Variants in CLTRN observed in about 807,000 individuals in gnomAD.
CLTRN encodes the protein collectrin.
CLTRN carries 12 observed loss-of-function variants against 14.5 expected under a neutral mutation model. The observed-to-expected ratio is 0.83, with a 90% CI of 0.53 to 1.34. The LOEUF (loss-of-function observed/expected upper bound fraction) is 1.34, where lower values mean the gene tolerates loss of function less well. Ranked by LOEUF, CLTRN falls within the 40% of genes most tolerant of loss-of-function variation. The pLI is 0.00. For synonymous variants in CLTRN, 58 were observed against 56.5 expected, an observed-to-expected ratio of 1.03 and a Z score of -0.12; for missense variants, 154 against 165.1, an observed-to-expected ratio of 0.93 and a Z score of 0.37.
intron 4 of CLTRN, among the ~76,000 whole-genome samples, chrX:15,643,094 C>T (rs5935999): frequency 0.28 from 31,153 of 110,078 alleles, 3,612 homozygotes; most frequent in East Asian, 0.52. Context: ...CCAGACTCTG[C>T]CTCTTAAAAA....
intron 5 of CLTRN, among the ~76,000 whole-genome samples, chrX:15,630,882 T>A (rs1928678933): frequency 8.9e-6 from 1 of 112,069 alleles, no homozygotes; most frequent in Admixed American, 9.5e-5. Context: ...AACACTTTGG[T>A]TCCTCTTCCT....
chrX:15,658,235 T>C lies in CLTRN; in HGVS notation c.203+781A>G, dbSNP rs143365379. On this transcript the variant is annotated intron_variant, in intron 3 of 5. Coordinates refer to ENST00000380342, the MANE Select transcript of CLTRN (RefSeq NM_020665.6). ...AATACACAAGATATTTAACCCTTCATATAAAATGGCACCTACTAAATGCTC... is the reference window on the plus strand; with the variant it reads ...AATACACAAGATATTTAACCCTTCACATAAAATGGCACCTACTAAATGCTC... 4.9e-3 allele frequency among the ~76,000 whole-genome samples: 553 copies of C among 112,786 alleles called. 1 individual carries two copies. The highest frequency in any genetic ancestry group is 0.017 in the African/African-American group (534 of 31,090).
intron 5 of CLTRN, among the ~76,000 whole-genome samples, chrX:15,630,020 C>T (rs1928653814): frequency 9.0e-6 from 1 of 111,557 alleles, no homozygotes. Flanking sequence ...ACAGAGTAGG[C>T]ATTCAACTGT....
upstream of CLTRN, among the ~76,000 whole-genome samples, chrX:15,668,961 A>C (rs887842629): frequency 6.3e-5 from 7 of 111,728 alleles, no homozygotes; most frequent in African/African-American, 2.3e-4. Flanking sequence ...TGTTCTCTTT[A>C]TATTTTCTAA....
chrX:15,648,863 G>C (rs1929153120), intron 3 of CLTRN, among the ~76,000 whole-genome samples: 1 of 110,626 alleles, frequency 9.0e-6, no homozygotes, highest in African/African-American at 3.3e-5. Context: ...AAAGATAAGA[G>C]GTAAAATATT....
At chrX:15,661,568 G>A (rs900257133) in intron 2 of CLTRN, among the ~76,000 whole-genome samples, 2 of 112,194 alleles carry the variant, frequency 1.8e-5, no homozygotes, top group African/African-American at 6.5e-5. Flanking sequence ...GAGAGCCTCC[G>A]CTTATAAAAG....
intron 4 of CLTRN, among the ~76,000 whole-genome samples, chrX:15,643,910 G>A: frequency 8.9e-6 from 1 of 112,105 alleles, no homozygotes; most frequent in East Asian, 2.8e-4. Flanking sequence ...CTTGTGTGGG[G>A]AGAGCTACTT....
intron 3 of CLTRN, among the ~76,000 whole-genome samples, chrX:15,650,540 TATG>T (rs1435389870): frequency 8.9e-6 from 1 of 112,213 alleles, no homozygotes; most frequent in Non-Finnish European, 1.9e-5. Flanking sequence ...AATTATTTAT[TATG>T]ATGACTTCCA....
At chrX:15,662,281 C>G (rs969169737) in intron 2 of CLTRN, among the ~76,000 whole-genome samples, 3 of 110,380 alleles carry the variant, frequency 2.7e-5, no homozygotes, top group African/African-American at 9.9e-5. Flanking sequence ...TTCAACTCTC[C>G]CAACCTCCTG....
upstream of CLTRN, among the ~76,000 whole-genome samples, chrX:15,669,260 G>T (rs942460412): frequency 2.7e-5 from 3 of 112,021 alleles, no homozygotes; most frequent in African/African-American, 9.7e-5. Flanking sequence ...CAAGTTTTAA[G>T]TAGTAAGTTT....
intron 3 of CLTRN, among the ~76,000 whole-genome samples, chrX:15,657,429 T>C (rs961975725): frequency 8.9e-6 from 1 of 112,637 alleles, no homozygotes; most frequent in African/African-American, 3.2e-5. Flanking sequence ...TCTGAAATGT[T>C]ATATACTTAA....
chrX:15,656,242 G>A (rs867498084), intron 3 of CLTRN, among the ~76,000 whole-genome samples: 8 of 111,995 alleles, frequency 7.1e-5, no homozygotes, highest in Middle Eastern at 9.2e-3. Flanking sequence ...CCAATTGTAC[G>A]TTTCCAAATA....
At chrX:15,629,395 A>G (rs1928639222) in intron 5 of CLTRN, among the ~76,000 whole-genome samples, 2 of 110,931 alleles carry the variant, frequency 1.8e-5, no homozygotes, top group African/African-American at 6.6e-5. Flanking sequence ...TATGGTGCAC[A>G]TGTACCCTAG....
At chrX:15,674,364 T>A (rs1929778089) in intron 1 of CLTRN, among the ~76,000 whole-genome samples, 1 of 111,813 alleles carries the variant, frequency 8.9e-6, no homozygotes. Context: ...GGAAAAGTCA[T>A]CAGGAGGACA....
At chrX:15,668,515 CA>C (rs920833946), upstream of CLTRN, among the ~76,000 whole-genome samples, 20 of 112,300 alleles carry the variant, frequency 1.8e-4, no homozygotes, top group African/African-American at 5.5e-4. Flanking sequence ...TTAGATAAAA[CA>C]TTTTTTTAAT....
chrX:15,643,785 T>C (rs771097791), intron 4 of CLTRN, among the ~76,000 whole-genome samples: 10 of 112,507 alleles, frequency 8.9e-5, no homozygotes, highest in African/African-American at 2.6e-4. Flanking sequence ...CCTTTGACAT[T>C]TGATTATATA....
At chrX:15,660,702 G>C (rs909162828) in intron 2 of CLTRN, among the ~76,000 whole-genome samples, 1 of 108,903 alleles carries the variant, frequency 9.2e-6, no homozygotes, top group Non-Finnish European at 1.9e-5. Flanking sequence ...AGCTACCCAG[G>C]AGGCTAAGGC....
intron 5 of CLTRN, among the ~76,000 whole-genome samples, chrX:15,629,043 C>A (rs114356928): frequency 0.013 from 1,478 of 111,480 alleles, 29 homozygotes; most frequent in South Asian, 0.056. Flanking sequence ...TGCCTCTAGG[C>A]AACCAGAAGA....
chrX:15,671,155 T>C (rs1929711981), intron 1 of CLTRN, among the ~76,000 whole-genome samples: 1 of 111,346 alleles, frequency 9.0e-6, no homozygotes, highest in African/African-American at 3.3e-5. Context: ...GACACAAAAG[T>C]AAATCACGAT....
Sources: gnomAD v4.1 joint callset for allele counts (sites outside exome capture counted in the v4.1 genomes callset) on GRCh38, gnomAD v4.1.1 for gene constraint, MANE v1.5 for transcripts, NCBI Gene and HGNC (gene_info 2026-07-23, HGNC 2026-07-21) for gene names.